The following GRM3 variants were observed in gnomAD, a reference collection of about 807,000 sequenced individuals.
The protein encoded by GRM3 is glutamate metabotropic receptor 3.
Under a neutral mutation model 70.5 loss-of-function variants are expected in GRM3, and 26 were observed. The ratio of observed to expected loss-of-function variants is 0.37; its 90% CI spans 0.27 to 0.51. GRM3 has a LOEUF of 0.51. Ranked by LOEUF, GRM3 falls within the 20% of genes least tolerant of loss-of-function variation. The pLI is 0.93. For synonymous variants in GRM3, 443 were observed against 434.9 expected (o/e 1.02, Z -0.23); for missense variants, 859 against 1,123.8 (o/e 0.76, Z 3.37).
At chr7:86,799,670 G>A (rs1186853682) in intron 3 of GRM3, among the ~76,000 whole-genome samples, 1 of 152,026 alleles carries the variant, frequency 6.6e-6, no homozygotes, top group African/African-American at 2.4e-5. Context: ...GGGACTACAG[G>A]CGCCCACCAC....
chr7:86,735,518 A>G (rs1795837855), intron 1 of GRM3, among the ~76,000 whole-genome samples: 1 of 152,238 alleles, frequency 6.6e-6, no homozygotes, highest in South Asian at 2.1e-4. Context: ...AACTACTGGA[A>G]TGATCTGACC....
At chr7:86,746,347 A>T (rs1433957021) in intron 1 of GRM3, among the ~76,000 whole-genome samples, 4 of 130,850 alleles carry the variant, frequency 3.1e-5, no homozygotes, top group African/African-American at 1.2e-4. Context: ...TGTATTATAT[A>T]TATATATATA....
Position 86,807,145 on chromosome 7 carries a change from G to A in GRM3, c.1324+20029G>A, listed in dbSNP as rs538345641. Among the ~76,000 whole-genome samples the A allele has an allele frequency of 2.2e-4, 15 of 67,256 alleles. 3 individuals carry two copies. The South Asian group carries it at 4.3e-3, about 19-fold the overall frequency. The allele number at this position is 67,256 out of a possible 152,430, so 44.1% of individuals were successfully genotyped here. ...CCAGTATCATGCTGTTTTGGTTACT[G>A]TAGCCTTGTAGTACAGTTTGAAGTC... On this transcript the variant is annotated intron_variant, in intron 3 of 5. Transcript: ENST00000361669.
intron 3 of GRM3, among the ~76,000 whole-genome samples, chr7:86,815,084 C>G (rs535826528): frequency 1.3e-5 from 2 of 151,574 alleles, no homozygotes; most frequent in East Asian, 3.9e-4. Flanking sequence ...TTTATTTTAA[C>G]AGCATCATAT....
intron 1 of GRM3, among the ~76,000 whole-genome samples, chr7:86,663,059 G>A (rs879735820): frequency 1.2e-4 from 18 of 151,690 alleles, no homozygotes; most frequent in Non-Finnish European, 2.2e-4. Flanking sequence ...AATCCTTAAT[G>A]ACCTTTTACT....
At chr7:86,783,664 TATAATC>T (rs915400509) in intron 2 of GRM3, among the ~76,000 whole-genome samples, 1 of 152,138 alleles carries the variant, frequency 6.6e-6, no homozygotes, top group Non-Finnish European at 1.5e-5. Flanking sequence ...GAGAGAGACT[TATAATC>T]TATTGCCTCC....
intron 3 of GRM3, among the ~76,000 whole-genome samples, chr7:86,798,473 G>A (rs1382492145): frequency 1.3e-5 from 2 of 152,320 alleles, no homozygotes; most frequent in East Asian, 3.9e-4. Context: ...CATGGGTCCT[G>A]TAGCCCCTTC....
intron 2 of GRM3, among the ~76,000 whole-genome samples, chr7:86,779,661 G>A (rs912451226): frequency 6.6e-6 from 1 of 152,202 alleles, no homozygotes; most frequent in Non-Finnish European, 1.5e-5. Flanking sequence ...ATGAGGGAAT[G>A]AAAGAGGCTC....
chr7:86,714,365 G>T (rs1268368704), intron 1 of GRM3, among the ~76,000 whole-genome samples: 1 of 151,746 alleles, frequency 6.6e-6, no homozygotes, highest in Non-Finnish European at 1.5e-5. Flanking sequence ...TCAAATAATA[G>T]TAATAATAAT....
At chr7:86,847,401 G>A (rs1798674962) in intron 4 of GRM3, among the ~76,000 whole-genome samples, 1 of 152,050 alleles carries the variant, frequency 6.6e-6, no homozygotes, top group Non-Finnish European at 1.5e-5. Context: ...TTGGGGAAAG[G>A]GACCAAATTT....
At chr7:86,755,007 T>A (rs1242540437) in intron 1 of GRM3, among the ~76,000 whole-genome samples, 1 of 152,032 alleles carries the variant, frequency 6.6e-6, no homozygotes, top group Admixed American at 6.6e-5. Flanking sequence ...TTCTGAAAAA[T>A]TTTCTTAAAT....
chr7:86,829,814 C>A (rs762566144), intron 3 of GRM3, among the ~76,000 whole-genome samples: 11 of 151,972 alleles, frequency 7.2e-5, no homozygotes, highest in Non-Finnish European at 1.3e-4. Flanking sequence ...AGAGGAGTTG[C>A]CAGAAAGTGA....
At chr7:86,687,517 A>G (rs1794595772) in intron 1 of GRM3, among the ~76,000 whole-genome samples, 1 of 151,942 alleles carries the variant, frequency 6.6e-6, no homozygotes, top group South Asian at 2.1e-4. Flanking sequence ...ATTCTGTACA[A>G]GTAAAAATAT....
At chr7:86,821,442 T>C (rs1458548825) in intron 3 of GRM3, among the ~76,000 whole-genome samples, 1 of 152,200 alleles carries the variant, frequency 6.6e-6, no homozygotes, top group East Asian at 1.9e-4. Context: ...AGATGGCAGG[T>C]ACTCTAGCAG....
chr7:86,725,053 T>G (rs1216194542), intron 1 of GRM3, among the ~76,000 whole-genome samples: 1 of 152,140 alleles, frequency 6.6e-6, no homozygotes, highest in Non-Finnish European at 1.5e-5. Flanking sequence ...AAACACTTCT[T>G]ACTATTACCA....
chr7:86,744,544 G>A (rs1441978131), intron 1 of GRM3, among the ~76,000 whole-genome samples: 1 of 151,618 alleles, frequency 6.6e-6, no homozygotes, highest in Non-Finnish European at 1.5e-5. Flanking sequence ...TTCCCCAACA[G>A]GCCACATGTC....
intron 2 of GRM3, among the ~76,000 whole-genome samples, chr7:86,767,802 T>A (rs1348725589): frequency 6.6e-6 from 1 of 151,922 alleles, no homozygotes; most frequent in Non-Finnish European, 1.5e-5. Flanking sequence ...GCCCTGCAAA[T>A]GGCCTTTTTA....
chr7:86,819,068 C>T (rs1798069582), intron 3 of GRM3, among the ~76,000 whole-genome samples: 1 of 152,002 alleles, frequency 6.6e-6, no homozygotes, highest in African/African-American at 2.4e-5. Flanking sequence ...AAAATGTATC[C>T]CCACGGAGTC....
chr7:86,747,042 C>T lies in GRM3; in HGVS notation c.-140-17964C>T, dbSNP rs1309892910. On this transcript the variant is annotated intron_variant, in intron 1 of 5. Coordinates refer to ENST00000361669, the MANE Select transcript of GRM3 (RefSeq NM_000840.3). Reference sequence around the variant, plus strand: ...AAGTCACTTAAAGATGTAGACAAGGCTATTCACTGCTCTAAGCACTCATAG... The same window carrying T: ...AAGTCACTTAAAGATGTAGACAAGGTTATTCACTGCTCTAAGCACTCATAG... Among the ~76,000 whole-genome samples, 6 of 152,198 alleles carry T rather than the reference C, an allele frequency of 3.9e-5. No individual in the cohort carries two copies. In the East Asian group the frequency reaches 7.7e-4, roughly 20 times the overall value.
Sources: allele counts gnomAD v4.1 joint callset (sites outside exome capture counted in the v4.1 genomes callset), GRCh38; gene constraint gnomAD v4.1.1; transcripts MANE v1.5; gene names NCBI Gene and HGNC (gene_info 2026-07-23, HGNC 2026-07-21).